NAALADL2: variants seen among roughly 807,000 people sequenced by gnomAD.
The protein encoded by NAALADL2 is inactive N-acetylated-alpha-linked acidic dipeptidase-like protein 2.
A neutral mutation model predicts 87.2 loss-of-function variants in NAALADL2; 76 were observed. That is an observed-to-expected ratio of 0.87 (90% CI 0.72 to 1.05). NAALADL2 has a LOEUF of 1.05. Ranked by LOEUF, NAALADL2 falls within the 50% of genes least tolerant of loss-of-function variation. The pLI is 0.00. For missense variants in NAALADL2, 1,089 were observed against 945.8 expected, an observed-to-expected ratio of 1.15 and a Z score of -1.99; for synonymous variants, 354 against 331.0, an observed-to-expected ratio of 1.07 and a Z score of -0.75.
chr3:174,585,238 G>T (rs1388754756), intron 2 of NAALADL2, among the ~76,000 whole-genome samples: 1 of 152,144 alleles, frequency 6.6e-6, no homozygotes, highest in East Asian at 1.9e-4. Context: ...AAAAAATCCA[G>T]TAGCCAAGGT....
intron 3 of NAALADL2, among the ~76,000 whole-genome samples, chr3:174,790,602 T>A (rs1717339324): frequency 6.6e-6 from 1 of 151,774 alleles, no homozygotes. Context: ...GTGCCAAGAT[T>A]GTGCCACTGC....
chr3:174,522,839 C>A (rs1367290806), intron 1 of NAALADL2, among the ~76,000 whole-genome samples: 2 of 144,750 alleles, frequency 1.4e-5, no homozygotes, highest in African/African-American at 5.1e-5. Flanking sequence ...GAGGCTGAGG[C>A]AGGAGAATGG....
intron 1 of NAALADL2, among the ~76,000 whole-genome samples, chr3:174,953,812 G>C (rs140534859): frequency 6.6e-6 from 1 of 151,870 alleles, no homozygotes; most frequent in Non-Finnish European, 1.5e-5. Flanking sequence ...TATTTCTATT[G>C]TTTCTCATGG....
chr3:174,614,880 G>A (rs933816734), intron 2 of NAALADL2, among the ~76,000 whole-genome samples: 2 of 152,118 alleles, frequency 1.3e-5, no homozygotes, highest in Admixed American at 1.3e-4. Context: ...AGATGGGGAA[G>A]AATTTTATTC....
At chr3:175,598,458 T>C (rs926105646) in intron 10 of NAALADL2, among the ~76,000 whole-genome samples, 2 of 151,946 alleles carry the variant, frequency 1.3e-5, no homozygotes, top group African/African-American at 4.8e-5. Flanking sequence ...TAACAACATC[T>C]TGATTTGTTT....
intron 11 of NAALADL2, among the ~76,000 whole-genome samples, chr3:175,730,152 C>G (rs1024255886): frequency 1.3e-5 from 2 of 151,662 alleles, no homozygotes; most frequent in Admixed American, 1.3e-4. Context: ...ATTGCAAATA[C>G]AGTCACCATA....
chr3:175,005,754 A>G (rs1748928042), intron 1 of NAALADL2, among the ~76,000 whole-genome samples: 1 of 152,212 alleles, frequency 6.6e-6, no homozygotes, highest in Non-Finnish European at 1.5e-5. Flanking sequence ...TTAAAAAGTT[A>G]TAAATAAATT....
chr3:174,523,046 A>T (rs1720429059), intron 1 of NAALADL2, among the ~76,000 whole-genome samples: 1 of 152,110 alleles, frequency 6.6e-6, no homozygotes, highest in African/African-American at 2.4e-5. Flanking sequence ...ACTGCCTGTA[A>T]AACAGGAAAT....
intron 5 of NAALADL2, among the ~76,000 whole-genome samples, chr3:175,383,145 T>A (rs1480442277): frequency 6.6e-6 from 1 of 152,068 alleles, no homozygotes. Context: ...AATTGGGATA[T>A]CATTACCTCA....
At chr3:174,701,593 T>C (rs1172008878) in intron 2 of NAALADL2, among the ~76,000 whole-genome samples, 1 of 152,186 alleles carries the variant, frequency 6.6e-6, no homozygotes, top group Non-Finnish European at 1.5e-5. Flanking sequence ...TGACTTGTTT[T>C]AATTCCATTT....
intron 5 of NAALADL2, among the ~76,000 whole-genome samples, chr3:175,338,481 C>T (rs1473312059): frequency 2.6e-5 from 4 of 151,270 alleles, no homozygotes; most frequent in Non-Finnish European, 5.9e-5. Flanking sequence ...CGTAGGTCCC[C>T]GTCCCTGTGA....
chr3:175,643,709 T>A (rs1158084591), intron 11 of NAALADL2, among the ~76,000 whole-genome samples: 3 of 152,108 alleles, frequency 2.0e-5, no homozygotes, highest in Non-Finnish European at 4.4e-5. Flanking sequence ...ATAAAGAAGC[T>A]CCTTGTCCAG....
chr3:175,125,931 G>C (rs1457847110), intron 2 of NAALADL2, among the ~76,000 whole-genome samples: 1 of 152,016 alleles, frequency 6.6e-6, no homozygotes, highest in Non-Finnish European at 1.5e-5. Context: ...TAATGAGGCA[G>C]AACCAGCATA....
intron 13 of NAALADL2, among the ~76,000 whole-genome samples, chr3:175,787,767 A>T (rs950176371): frequency 4.6e-5 from 7 of 152,128 alleles, no homozygotes; most frequent in Non-Finnish European, 1.0e-4. Flanking sequence ...ACAAAGATAT[A>T]AAAAAAAGAA....
Position 174,962,236 on chromosome 3 carries a change from C to T in NAALADL2, c.43+102786C>T, listed in dbSNP as rs890808829. On this transcript the variant is annotated intron_variant, in intron 1 of 13. Transcript: ENST00000454872. The stretch of plus-strand genomic sequence containing the variant: ...TCAGCCAATAGGCTGACTGAAACAT[C>T]ACAGGCTATCCTGAATCAGAACCAC... Among the ~76,000 whole-genome samples the T allele has an allele frequency of 4.0e-5, 6 of 151,688 alleles. No homozygotes were observed. The East Asian group carries it at 5.9e-4, about 15-fold the overall frequency.
chr3:175,120,329 A>G (rs1725965758), intron 2 of NAALADL2, among the ~76,000 whole-genome samples: 1 of 151,822 alleles, frequency 6.6e-6, no homozygotes, highest in East Asian at 1.9e-4. Flanking sequence ...CATTAAAAAC[A>G]TAGAAATCTA....
chr3:174,889,305 T>C (rs1384770138), intron 1 of NAALADL2, among the ~76,000 whole-genome samples: 1 of 152,216 alleles, frequency 6.6e-6, no homozygotes, highest in East Asian at 1.9e-4. Flanking sequence ...GGCAATAAAA[T>C]TGTTTATAAT....
chr3:175,232,082 C>G (rs986226088), intron 2 of NAALADL2, among the ~76,000 whole-genome samples: 3 of 150,098 alleles, frequency 2.0e-5, no homozygotes, highest in African/African-American at 7.4e-5. Flanking sequence ...GTTGACTGAT[C>G]CAAGTAGATA....
chr3:174,640,484 A>T (rs9850630), intron 2 of NAALADL2, among the ~76,000 whole-genome samples: 20,318 of 152,032 alleles, frequency 0.13, 1,493 homozygotes, highest in South Asian at 0.26. Flanking sequence ...AAAAATGGGA[A>T]AGAGTCCACC....
Sources: allele counts gnomAD v4.1 joint callset (sites outside exome capture counted in the v4.1 genomes callset), GRCh38; gene constraint gnomAD v4.1.1; transcripts MANE v1.5; gene names NCBI Gene and HGNC (gene_info 2026-07-23, HGNC 2026-07-21).